Variants in PCNT observed in about 807,000 individuals in gnomAD.
PCNT encodes the protein kendrin.
A neutral mutation model predicts 380.4 loss-of-function variants in PCNT; 319 were observed. The observed-to-expected ratio is 0.84, with a 90% confidence interval of 0.77 to 0.92. The LOEUF is 0.92. PCNT is among the 40% of genes least tolerant of loss of function. The pLI is 0.00. For missense variants in PCNT, 4,400 were observed against 4,255.3 expected, an observed-to-expected ratio of 1.03 and a Z score of -0.95; for synonymous variants, 1,845 against 1,735.2, an observed-to-expected ratio of 1.06 and a Z score of -1.57.
intron 2 of PCNT, among the ~76,000 whole-genome samples, chr21:46,327,310 C>T (rs892014680): frequency 7.9e-5 from 12 of 152,124 alleles, no homozygotes; most frequent in African/African-American, 1.7e-4. Context: ...CTGCCCGCCT[C>T]GGCCTCCCAA....
chr21:46,408,229 G>A (rs1381956571), intron 27 of PCNT, among the ~76,000 whole-genome samples: 2 of 152,100 alleles, frequency 1.3e-5, no homozygotes, highest in Admixed American at 6.5e-5. Flanking sequence ...GCATGCTGTC[G>A]CCTGTGTCTG....
rs866136389 is a variant in PCNT at position 46,417,119 on chromosome 21, G to A, written c.6921+280G>A. 3.3e-5 allele frequency among the ~76,000 whole-genome samples: 5 copies of A among 151,636 alleles called. No homozygotes were observed. The South Asian group carries it at 8.3e-4, about 25-fold the overall frequency. ...ACGGGCATAGCCCAGACACGTCTTCGTGTGTGATGGGCATAGGGTTCTTTG... is the reference window on the plus strand; with the variant it reads ...ACGGGCATAGCCCAGACACGTCTTCATGTGTGATGGGCATAGGGTTCTTTG... On this transcript the variant is annotated intron_variant, in intron 30 of 46. Transcript: ENST00000359568.
Position 46,411,507 on chromosome 21 carries a change from A to C in PCNT, c.5434A>C (p.Arg1812=), listed in dbSNP as rs1267029401. Residue 1812 remains arginine (R), a synonymous_variant, in exon 28 of 47, where the codon AGG becomes CGG. Transcript: ENST00000359568. The part of the protein sequence containing the change: ...LSRLLADQER[R]HSQALEALQQ... ...CCGGCTGCTGGCTGACCAGGAGCGCAGGCACAGCCAGGCCCTGGAGGCCCT... is the reference window on the plus strand; with the variant it reads ...CCGGCTGCTGGCTGACCAGGAGCGCCGGCACAGCCAGGCCCTGGAGGCCCT... 1 of 1,609,236 alleles carries C rather than the reference A, an allele frequency of 6.2e-7. No homozygotes were observed. The highest frequency in any genetic ancestry group is 8.5e-7 in the Non-Finnish European group (1 of 1,178,382).
chr21:46,384,811 G>A (rs901678765), intron 16 of PCNT, among the ~76,000 whole-genome samples: 1 of 147,384 alleles, frequency 6.8e-6, no homozygotes, highest in Non-Finnish European at 1.5e-5. Flanking sequence ...GGTGTTGTGC[G>A]TTGAGCGGCG....
At chr21:46,430,734 C>T (rs1023813075) in intron 37 of PCNT, 77 bp downstream of exon 37, 3 of 1,540,216 alleles carry the variant, frequency 1.9e-6, no homozygotes, top group African/African-American at 2.8e-5. Flanking sequence ...CTCTTTCATC[C>T]TTCTTTTCCT....
rs1265977023 is a variant in PCNT, at chr21:46,399,068, C to T, written c.4585-522C>T. Among the ~76,000 whole-genome samples, 3 of 151,506 alleles carry T rather than the reference C, an allele frequency of 2.0e-5. No individual in the cohort carries two copies. In the Admixed American group the frequency reaches 2.0e-4, roughly 10 times the overall value. ...TCTCCTGACCTCGTGATCTGCCTGC[C>T]TCAGCCTCCCAGAGTGCTGGGATTA... On this transcript the variant is annotated intron_variant, in intron 24 of 46. Coordinates refer to ENST00000359568, the MANE Select transcript of PCNT (RefSeq NM_006031.6).
intron 34 of PCNT, 140 bp downstream of exon 34, chr21:46,427,935 A>G (rs1325583486): frequency 1.8e-5 from 17 of 922,108 alleles, no homozygotes; most frequent in Non-Finnish European, 2.9e-5. Flanking sequence ...TCACTTACCC[A>G]GGTGTTGACG....
In PCNT at chr21:46,445,532, G is replaced by T; in HGVS notation, c.*205G>T. 1.6e-6 allele frequency: 1 copy of T among 610,904 alleles called. No homozygotes were observed. Among genetic ancestry groups the T allele is most frequent in the Non-Finnish European group, 2.9e-6 (1 of 341,762 alleles). The allele number at this position is 610,904 out of a possible 1,614,324, so 37.8% of individuals were successfully genotyped here. A position where few individuals can be genotyped will look rare whatever the true frequency, so the allele number is the denominator to read the frequency against. ...AGCATTTTCTATGGAGCCTCCGTATGTTTTAGGCCCATGACCTTCGTGAGG... is the reference window on the plus strand; with the variant it reads ...AGCATTTTCTATGGAGCCTCCGTATTTTTTAGGCCCATGACCTTCGTGAGG... On this transcript the variant is annotated 3_prime_UTR_variant, in exon 47 of 47. Coordinates refer to ENST00000359568, the MANE Select transcript of PCNT (RefSeq NM_006031.6).
In PCNT at chr21:46,440,969, A is replaced by C; in HGVS notation, c.9508A>C (p.Thr3170Pro). 6.2e-7 allele frequency: 1 copy of C among 1,613,556 alleles called. No homozygotes were observed. The highest frequency in any genetic ancestry group is 8.5e-7 in the Non-Finnish European group (1 of 1,179,426). ...IGGFQDSEQE[T>P]LSMIAHLGVF... ...TGGATTCCAGGATTCTGAACAAGAAACACTCTCCATGATTGCCCATTTGGG... is the reference window on the plus strand; with the variant it reads ...TGGATTCCAGGATTCTGAACAAGAACCACTCTCCATGATTGCCCATTTGGG... The change falls in exon 43 of 47, where the codon ACA becomes CCA. Residue 3170 changes from threonine to proline, a missense_variant. By Grantham distance (38) the Thr-to-Pro change is conservative. Coordinates refer to ENST00000359568, the MANE Select transcript of PCNT (RefSeq NM_006031.6).
Position 46,391,322 on chromosome 21 carries a change from C to G in PCNT, c.4162C>G (p.Arg1388Gly). The G allele has an allele frequency of 6.4e-7, 1 of 1,562,294 alleles. No homozygotes were observed. The highest frequency in any genetic ancestry group is 8.7e-7 in the Non-Finnish European group (1 of 1,153,234). ...GGCGGCGCTGAGGGAGGAGTGCACC[C>G]GTCTGTGGAGTCGGGGGGAGGCCAC... Reference protein sequence around the residue: ...EQAALREECTRLWSRGEATAT... With the variant: ...EQAALREECTGLWSRGEATAT... Residue 1388 changes from arginine (R) to glycine (G), a missense_variant, in exon 21 of 47, where the codon CGT becomes GGT. Physicochemically the swap from Arg to Gly is moderately radical, Grantham distance 125. Transcript: ENST00000359568.
intron 3 of PCNT, among the ~76,000 whole-genome samples, chr21:46,337,892 G>T (rs775982438): frequency 2.6e-5 from 4 of 151,568 alleles, no homozygotes; most frequent in Non-Finnish European, 5.9e-5. Flanking sequence ...TGTTTTTTTT[G>T]AGACAGTGTC....
chr21:46,423,823 AG>A (rs2087371997), intron 32 of PCNT, among the ~76,000 whole-genome samples: 3 of 5,266 alleles, frequency 5.7e-4, no homozygotes, highest in African/African-American at 2.2e-3. Flanking sequence ...GGAGGGGAGG[AG>A]GGGGAGGGGG....
At chr21:46,381,037 T>A (rs904859267) in intron 15 of PCNT, among the ~76,000 whole-genome samples, 6 of 151,582 alleles carry the variant, frequency 4.0e-5, no homozygotes, top group Admixed American at 3.3e-4. Flanking sequence ...ATTAGTTGAG[T>A]GTGGTGGCAG....
chr21:46,345,163 G>A (rs960400916), intron 3 of PCNT, among the ~76,000 whole-genome samples: 1 of 152,290 alleles, frequency 6.6e-6, no homozygotes, highest in Middle Eastern at 3.4e-3. Context: ...TCCTCCCGTG[G>A]CAGCACTGCT....
At position 46,412,748 on chromosome 21, in the gene PCNT, C is replaced by T. The variant is rs922800167; in HGVS notation, c.5995-89C>T. On this transcript the variant is annotated intron_variant, in intron 28 of 46. Transcript: ENST00000359568. ...TCCCTCTGGCATCCCTGCTGGCTGCCGTACTGGTTCCCAGCTCCAGGCCAC... is the reference window on the plus strand; with the variant it reads ...TCCCTCTGGCATCCCTGCTGGCTGCTGTACTGGTTCCCAGCTCCAGGCCAC... The T allele has an allele frequency of 1.6e-4, 229 of 1,390,366 alleles. 2 individuals carry two copies. The Middle Eastern group carries it at 2.3e-3, about 14-fold the overall frequency. 86.1% of individuals were successfully genotyped at this position (1,390,366 alleles called of 1,614,324 possible). A position where few individuals can be genotyped will look rare whatever the true frequency, so the allele number is the denominator to read the frequency against.
intron 21 of PCNT, among the ~76,000 whole-genome samples, chr21:46,392,001 G>A (rs1392219958): frequency 6.6e-6 from 1 of 152,158 alleles, no homozygotes; most frequent in Non-Finnish European, 1.5e-5. Context: ...GTGGCCTCGG[G>A]GTCATCCCTT....
intron 15 of PCNT, among the ~76,000 whole-genome samples, chr21:46,377,757 G>A (rs2147091550): frequency 6.6e-6 from 1 of 152,318 alleles, no homozygotes; most frequent in Non-Finnish European, 1.5e-5. Context: ...TGAGGTGGGA[G>A]GACCACTGGA....
Position 46,430,511 on chromosome 21 carries a change from A to G in PCNT, c.7918A>G (p.Met2640Val), listed in dbSNP as rs1199905581. 10 of 1,551,514 alleles carry G rather than the reference A, an allele frequency of 6.4e-6. No homozygotes were observed. Among genetic ancestry groups the G allele is most frequent in the South Asian group, 1.2e-5 (1 of 84,114 alleles). Residue 2640 changes from methionine to valine, a missense_variant, in exon 37 of 47, where the codon ATG becomes GTG. By Grantham distance (21) the Met-to-Val change is conservative. Coordinates refer to ENST00000359568, the MANE Select transcript of PCNT (RefSeq NM_006031.6). ...TTCTGCGATGTCTCCACGCAGATCC[A>G]TGCTGAGCAGTAAGGAGAACGAGCT... ...VQQEVLQLRSMLSSKENELKA... is the reference protein window; with the variant it reads ...VQQEVLQLRSVLSSKENELKA...
At chr21:46,343,029 C>T (rs1194989884) in intron 3 of PCNT, among the ~76,000 whole-genome samples, 1 of 152,166 alleles carries the variant, frequency 6.6e-6, no homozygotes, top group Non-Finnish European at 1.5e-5. Flanking sequence ...TGTCCTGAAA[C>T]TTTACTGAAT....
Sources: allele counts gnomAD v4.1 joint callset (sites outside exome capture counted in the v4.1 genomes callset), GRCh38; gene constraint gnomAD v4.1.1; transcripts MANE v1.5; gene names NCBI Gene and HGNC (gene_info 2026-07-23, HGNC 2026-07-21).